The following HIF3A variants were observed in gnomAD, a reference collection of about 807,000 sequenced individuals.
The protein encoded by HIF3A is hypoxia-inducible factor 3-alpha.
HIF3A carries 41 observed loss-of-function variants against 67.2 expected under a neutral mutation model. That is an observed-to-expected ratio of 0.61 (90% CI 0.48 to 0.79). The LOEUF is 0.79. Ranked by LOEUF, HIF3A falls within the 30% of genes least tolerant of loss-of-function variation. The pLI is 0.00. For missense variants in HIF3A, 855 were observed against 898.0 expected (o/e 0.95, Z 0.61); for synonymous variants, 356 against 374.8 (o/e 0.95, Z 0.58).
chr19:46,319,739 C>T (rs1970210679), intron 8 of HIF3A, among the ~76,000 whole-genome samples: 1 of 152,122 alleles, frequency 6.6e-6, no homozygotes, highest in African/African-American at 2.4e-5. Context: ...GCCTTTCGCT[C>T]ACCCCGCTCT....
chr19:46,331,541 A>AAAC (rs1971228120), intron 13 of HIF3A: 1 of 207,348 alleles, frequency 4.8e-6, no homozygotes, highest in African/African-American at 2.5e-5. Flanking sequence ...AAAAAAAAAA[A>AAAC]CTCTGCAAAT....
chr19:46,303,942 G>C lies in HIF3A; in HGVS notation c.71G>C (p.Arg24Pro). ...LRKEKSRDAA[R>P]SRRSQETEVL... ...AAGGAAAAGTCCCGGGATGCGGCCC[G>C]CAGCCGGCGCAGCCAGGAGACCGAG... The change falls in exon 2 of 15, where the codon CGC becomes CCC. Residue 24 changes from arginine to proline, a missense_variant. Physicochemically the swap from Arg to Pro is moderately radical, Grantham distance 103 (BLOSUM62 -2). Coordinates refer to ENST00000377670, the MANE Select transcript of HIF3A (RefSeq NM_152795.4). 1 of 1,606,862 alleles carries C rather than the reference G, an allele frequency of 6.2e-7. No individual in the cohort carries two copies. The highest frequency in any genetic ancestry group is 8.5e-7 in the Non-Finnish European group (1 of 1,177,262).
In HIF3A at chr19:46,308,790, G is replaced by T; in HGVS notation, c.561+15G>T. 6.5e-7 allele frequency: 1 copy of T among 1,539,120 alleles called. No homozygotes were observed. The highest frequency in any genetic ancestry group is 8.9e-7 in the Non-Finnish European group (1 of 1,123,894). On this transcript the variant is annotated intron_variant, in intron 5 of 14. Transcript: ENST00000377670. ...CCACCTGGAAGGTGCGTGGGGCCGG[G>T]CCAGAGGAGGGCGGGGACGCTGGGG...
chr19:46,304,197 GC>G, intron 2 of HIF3A, 109 bp downstream of exon 2: 2 of 948,038 alleles, frequency 2.1e-6, no homozygotes, highest in East Asian at 2.8e-5. Context: ...ACAAAGCCCC[GC>G]CCCCTGGTGT....
rs117514365 is a variant in HIF3A, at chr19:46,330,368, G to A, written c.1713-788G>A. Among the ~76,000 whole-genome samples, 67 of 152,318 alleles carry A rather than the reference G, an allele frequency of 4.4e-4. No homozygotes were observed. The East Asian group carries it at 8.5e-3, about 19-fold the overall frequency. ...GTATGTATGTGTGTATGTCTGGACG[G>A]ATGGATGGATGAATGATGGATGTCT... is the stretch of plus-strand genomic sequence containing the variant. On this transcript the variant is annotated intron_variant, in intron 12 of 14. Transcript: ENST00000377670.
At position 46,341,384 on chromosome 19, in the gene HIF3A, G is replaced by C. The variant is rs972249865; in HGVS notation, c.*1762G>C. The C allele has an allele frequency of 2.0e-5, 3 of 151,858 alleles. No individual in the cohort carries two copies. Among genetic ancestry groups the C allele is most frequent in the African/African-American group, 7.3e-5 (3 of 41,318 alleles). The allele number at this position is 151,858 out of a possible 1,614,324, so 9.4% of individuals were successfully genotyped here. ...CCAGCTAAGTTTTATATTTTTAGTA[G>C]AGACAGTGTTTCACCATGTTGGCCA... On this transcript the variant is annotated 3_prime_UTR_variant, in exon 15 of 15. Transcript: ENST00000377670.
At chr19:46,339,484 T>G (rs1456159724) in intron 14 of HIF3A, 41 bp from the exon 15 acceptor site, 1 of 1,337,768 alleles carries the variant, frequency 7.5e-7, no homozygotes, top group East Asian at 2.5e-5. Context: ...TTATCTTTCG[T>G]CTTTTACCTT....
At chr19:46,333,986 G>T (rs1971434316) in intron 13 of HIF3A, among the ~76,000 whole-genome samples, 1 of 151,290 alleles carries the variant, frequency 6.6e-6, no homozygotes, top group Non-Finnish European at 1.5e-5. Flanking sequence ...GTAGAGACAG[G>T]GTTTCACCGT....
At chr19:46,312,749 GCA>G in intron 8 of HIF3A, 96 bp downstream of exon 8, 1 of 1,166,158 alleles carries the variant, frequency 8.6e-7, no homozygotes, top group African/African-American at 1.5e-5. Context: ...GTATGAGCAT[GCA>G]TGTGTATCAT....
At chr19:46,313,666 T>G (rs1474996264) in intron 8 of HIF3A, among the ~76,000 whole-genome samples, 1 of 147,812 alleles carries the variant, frequency 6.8e-6, no homozygotes, top group Admixed American at 6.8e-5. Flanking sequence ...TTACCACGAT[T>G]TTTTTTTTTT....
intron 10 of HIF3A, among the ~76,000 whole-genome samples, chr19:46,322,439 T>A (rs1188019301): frequency 6.6e-6 from 1 of 151,914 alleles, no homozygotes; most frequent in Non-Finnish European, 1.5e-5. Context: ...ATTTCTTTTT[T>A]ATTTTTATTT....
Position 46,297,114 on chromosome 19 carries a change from C to G in HIF3A, c.26+12C>G, listed in dbSNP as rs567915762. ...CTGCAGCGCGCAAGGTACTGAAGTT[C>G]GGGGGCAGGAGTTCTGGGAATTGGG... is the stretch of plus-strand genomic sequence containing the variant. On this transcript the variant is annotated intron_variant, in intron 1 of 14. Coordinates refer to ENST00000377670, the MANE Select transcript of HIF3A (RefSeq NM_152795.4). This position sits in a 1 kb window ranked among gnomAD's most constrained non-coding sequence, Gnocchi z 4.5. 8.0e-7 allele frequency: 1 copy of G among 1,252,004 alleles called. No homozygotes were observed. Among genetic ancestry groups the G allele is most frequent in the Admixed American group, 3.4e-5 (1 of 29,348 alleles). The allele number at this position is 1,252,004 out of a possible 1,614,324, so 77.6% of individuals were successfully genotyped here. A position where few individuals can be genotyped will look rare whatever the true frequency, so the allele number is the denominator to read the frequency against.
rs781310174 is a variant in HIF3A at position 46,303,983 on chromosome 19, G to T, written c.112G>T (p.Ala38Ser). 23 of 1,601,620 alleles carry T rather than the reference G, an allele frequency of 1.4e-5. No individual in the cohort carries two copies. Among genetic ancestry groups the T allele is most frequent in the Non-Finnish European group, 1.3e-5 (15 of 1,174,904 alleles). The change falls in exon 2 of 15, where the codon GCT becomes TCT. Residue 38 changes from alanine to serine, a missense_variant. Ala to Ser is a moderately conservative substitution (Grantham distance 99, BLOSUM62 1). Transcript: ENST00000377670. ...GGAGACCGAGGTGCTGTACCAGCTG[G>T]CTCACACGCTGCCCTTCGCCCGCGG... ...SQETEVLYQL[A>S]HTLPFARGVS...
rs1321355594 is a variant in HIF3A, at chr19:46,329,429, T to C, written c.1663T>C (p.Ser555Pro). ...CCCCCGGCTGAGCTGCTCCAGCCCTTCCAGAGGGGACCCCTCAGCATCCTC... is the reference window on the plus strand; with the variant it reads ...CCCCCGGCTGAGCTGCTCCAGCCCTCCCAGAGGGGACCCCTCAGCATCCTC... ...SDPRLSCSSPSRGDPSASSPM... is the reference protein window; with the variant it reads ...SDPRLSCSSPPRGDPSASSPM... The change falls in exon 12 of 15, where the codon TCC becomes CCC. Residue 555 changes from serine (S) to proline (P), a missense_variant. Coordinates refer to ENST00000377670, the MANE Select transcript of HIF3A (RefSeq NM_152795.4). 1 of 1,576,800 alleles carries C rather than the reference T, an allele frequency of 6.3e-7. No individual in the cohort carries two copies. The highest frequency in any genetic ancestry group is 1.8e-5 in the Admixed American group (1 of 55,056).
At chr19:46,335,481 G>A (rs1054404896) in intron 14 of HIF3A, among the ~76,000 whole-genome samples, 1 of 152,014 alleles carries the variant, frequency 6.6e-6, no homozygotes, top group African/African-American at 2.4e-5. Flanking sequence ...TGTTGGCCAG[G>A]CTGGTCTCGA....
intron 14 of HIF3A, among the ~76,000 whole-genome samples, chr19:46,337,743 T>G (rs927449110): frequency 1.3e-5 from 2 of 152,224 alleles, no homozygotes; most frequent in Non-Finnish European, 2.9e-5. Context: ...CTCTGTTCTT[T>G]GCCATGTTAC....
At chr19:46,316,998 C>T (rs1969967670) in intron 8 of HIF3A, among the ~76,000 whole-genome samples, 1 of 151,944 alleles carries the variant, frequency 6.6e-6, no homozygotes, top group Non-Finnish European at 1.5e-5. Flanking sequence ...GCTGGAGAGC[C>T]GTGGCACAAA....
In HIF3A at chr19:46,315,211, C is replaced by T. The variant is rs148297625; in HGVS notation, c.1025+2558C>T. On this transcript the variant is annotated intron_variant, in intron 8 of 14. Coordinates refer to ENST00000377670, the MANE Select transcript of HIF3A (RefSeq NM_152795.4). ...CCTCCTGAGTGGCTGGGATTATAGGCGCGCACCAACACGCCCAGCTAATTT... is the reference window on the plus strand; with the variant it reads ...CCTCCTGAGTGGCTGGGATTATAGGTGCGCACCAACACGCCCAGCTAATTT... Among the ~76,000 whole-genome samples, 493 of 146,312 alleles carry T rather than the reference C, an allele frequency of 3.4e-3. 34 individuals carry two copies. The highest frequency in any genetic ancestry group is 0.012 in the African/African-American group (468 of 40,392).
chr19:46,300,185 CATT>C (rs1968202562), intron 1 of HIF3A, among the ~76,000 whole-genome samples: 1 of 152,180 alleles, frequency 6.6e-6, no homozygotes, highest in Non-Finnish European at 1.5e-5. Flanking sequence ...CCAATGCTAT[CATT>C]ATTACAGTAT....
Sources: allele counts gnomAD v4.1 joint callset (sites outside exome capture counted in the v4.1 genomes callset), GRCh38; gene constraint gnomAD v4.1.1; non-coding constraint Gnocchi (gnomAD v3.1); transcripts MANE v1.5; gene names NCBI Gene and HGNC (gene_info 2026-07-23, HGNC 2026-07-21).